Variants in DRC8 observed in about 807,000 individuals in gnomAD.
DRC8 encodes dynein regulatory complex subunit 8.
At chr1:245,124,543 TAA>T in the DRC8 span, 1 of 151,816 alleles carries the variant, frequency 6.6e-6, no homozygotes, top group African/African-American at 2.4e-5. Flanking sequence ...CACTTCCTTG[TAA>T]CCAACAGTGA....
chr1:245,000,510 G>A, the DRC8 span, among the ~76,000 whole-genome samples: 3,105 of 152,080 alleles, frequency 0.02, 50 homozygotes, highest in Non-Finnish European at 0.033. Flanking sequence ...GGCCAGGCAC[G>A]GTGGTTCAAG....
chr1:245,082,686 CTTTTATTTTATTTTA>C, the DRC8 span, among the ~76,000 whole-genome samples: 3 of 150,006 alleles, frequency 2.0e-5, no homozygotes, highest in East Asian at 2.0e-4. Context: ...ATGTTAGCAG[CTTTTATTTTATTTTA>C]TTTTATTTTA....
the DRC8 span, chr1:244,971,041 G>C: frequency 1.3e-5 from 2 of 156,778 alleles, no homozygotes; most frequent in Non-Finnish European, 1.4e-5. Context: ...GAAACCCCGC[G>C]CTGGCGCAGC....
the DRC8 span, among the ~76,000 whole-genome samples, chr1:245,032,305 A>G: frequency 2.6e-5 from 4 of 152,282 alleles, no homozygotes; most frequent in East Asian, 5.8e-4. Context: ...CCATGCAGTA[A>G]TGAAACCAGT....
At chr1:245,025,469 T>A in the DRC8 span, among the ~76,000 whole-genome samples, 2 of 152,048 alleles carry the variant, frequency 1.3e-5, no homozygotes, top group African/African-American at 4.8e-5. Flanking sequence ...ATAAAAAATA[T>A]CAACTTACTT....
chr1:245,095,144 C>T, the DRC8 span, among the ~76,000 whole-genome samples: 7 of 152,198 alleles, frequency 4.6e-5, no homozygotes, highest in African/African-American at 1.7e-4. Context: ...ACAGCCCGTG[C>T]AGGGCCGCTG....
At chr1:245,109,067 GC>G in the DRC8 span, among the ~76,000 whole-genome samples, 1 of 152,180 alleles carries the variant, frequency 6.6e-6, no homozygotes, top group Non-Finnish European at 1.5e-5. Flanking sequence ...GTGTTGTCGA[GC>G]CAGTTACCTC....
At chr1:245,049,748 T>C in the DRC8 span, among the ~76,000 whole-genome samples, 43,339 of 152,102 alleles carry the variant, frequency 0.28, 6,403 homozygotes, top group Middle Eastern at 0.35. The surrounding 1 kb of genome is among the most constrained non-coding windows in gnomAD (Gnocchi z 4.5). Context: ...GTGGTATAGT[T>C]CAGAAGTTCT....
the DRC8 span, among the ~76,000 whole-genome samples, chr1:245,110,602 C>A: frequency 3.7e-3 from 567 of 152,410 alleles, no homozygotes; most frequent in African/African-American, 0.012. Flanking sequence ...CCAGACAGCG[C>A]CCCGCTGAGG....
At chr1:244,994,239 T>C in the DRC8 span, among the ~76,000 whole-genome samples, 2,234 of 152,314 alleles carry the variant, frequency 0.015, 44 homozygotes, top group African/African-American at 0.051. Flanking sequence ...ACGTTTTTCC[T>C]TTTGTAATCT....
chr1:245,118,641 A>G, the DRC8 span, among the ~76,000 whole-genome samples: 138 of 151,938 alleles, frequency 9.1e-4, no homozygotes, highest in South Asian at 0.012. Flanking sequence ...AAAATACAAA[A>G]TTAGCCTGGC....
At chr1:244,984,128 T>G in the DRC8 span, among the ~76,000 whole-genome samples, 132 of 145,668 alleles carry the variant, frequency 9.1e-4, 1 homozygote, top group Middle Eastern at 0.01. Context: ...CTAATTTTTT[T>G]GGGGGGGGGG....
the DRC8 span, among the ~76,000 whole-genome samples, chr1:245,084,068 C>G: frequency 1.0e-4 from 12 of 114,412 alleles, 1 homozygote; most frequent in African/African-American, 1.4e-4. Flanking sequence ...TTCCGCCCCC[C>G]CCCCGGCGCC....
the DRC8 span, among the ~76,000 whole-genome samples, chr1:245,069,770 G>A: frequency 6.6e-6 from 1 of 152,214 alleles, no homozygotes; most frequent in African/African-American, 2.4e-5. Flanking sequence ...GGCTGGGCAT[G>A]GGGGTGCACC....
the DRC8 span, chr1:244,970,808 T>A: frequency 2.8e-6 from 1 of 353,998 alleles, no homozygotes; most frequent in Non-Finnish European, 5.1e-6. Context: ...AGGCCGGGCC[T>A]TGCATCCTGC....
chr1:245,118,795 AAAAAGAAAAGAAAAG>A, the DRC8 span, among the ~76,000 whole-genome samples: 38,789 of 138,498 alleles, frequency 0.28, 5,450 homozygotes, highest in African/African-American at 0.36. Flanking sequence ...GCCATCTCAA[AAAAAGAAAAGAAAAG>A]AAAAGAAAAG....
chr1:245,065,686 A>G, the DRC8 span, among the ~76,000 whole-genome samples: 1 of 152,130 alleles, frequency 6.6e-6, no homozygotes, highest in South Asian at 2.1e-4. Context: ...AGTTCCTAAC[A>G]AACACATGCA....
chr1:245,112,544 T>G, the DRC8 span, among the ~76,000 whole-genome samples: 1 of 152,230 alleles, frequency 6.6e-6, no homozygotes, highest in African/African-American at 2.4e-5. Flanking sequence ...GCAGGTAACT[T>G]TTAAACTTCT....
chr1:245,075,885 G>A, the DRC8 span, among the ~76,000 whole-genome samples: 1 of 152,178 alleles, frequency 6.6e-6, no homozygotes, highest in Non-Finnish European at 1.5e-5. Flanking sequence ...GAGTTTGGTG[G>A]ATATTTGTTA....
Sources: gnomAD v4.1 joint callset for allele counts (sites outside exome capture counted in the v4.1 genomes callset) on GRCh38, gnomAD v4.1.1 for gene constraint, Gnocchi (gnomAD v3.1) non-coding constraint, MANE v1.5 for transcripts, NCBI Gene and HGNC (gene_info 2026-07-23, HGNC 2026-07-21) for gene names.